ZNF672: variants seen among roughly 807,000 people sequenced by gnomAD.
The protein encoded by ZNF672 is hypothetical protein FLJ22301.
For missense variants in ZNF672, 733 were observed against 701.1 expected (o/e 1.05, Z -0.51); for synonymous variants, 358 against 305.6 (o/e 1.17, Z -1.79).
rs540665833 is a variant in ZNF672, at chr1:248,847,771, C to T, written c.497C>T (p.Ala166Val). Reference sequence around the variant, plus strand: ...CCTGCTGCCCCACCCCACCGCTGCGCGCAGTGCCCGCGAGCCTTCCGAAGC... The same window carrying T: ...CCTGCTGCCCCACCCCACCGCTGCGTGCAGTGCCCGCGAGCCTTCCGAAGC... Reference protein sequence around the residue: ...SDPAAPPHRCAQCPRAFRSGA... With the variant: ...SDPAAPPHRCVQCPRAFRSGA... Residue 166 changes from alanine to valine, a missense_variant, in exon 4 of 4, where the codon GCG becomes GTG. Physicochemically the swap from Ala to Val is moderately conservative, Grantham distance 64 (BLOSUM62 0). Transcript: ENST00000306562. 12 of 1,521,314 alleles carry T rather than the reference C, an allele frequency of 7.9e-6. No individual in the cohort carries two copies. The South Asian group carries it at 9.7e-5, about 12-fold the overall frequency. 94.2% of individuals were successfully genotyped at this position (1,521,314 alleles called of 1,614,324 possible). A position where few individuals can be genotyped will look rare whatever the true frequency, so the allele number is the denominator to read the frequency against.
chr1:248,845,374 A>G (rs182031641), intron 2 of ZNF672, among the ~76,000 whole-genome samples, 192 bp from the exon 3 acceptor site: 275 of 152,290 alleles, frequency 1.8e-3, no homozygotes, highest in African/African-American at 6.3e-3. Flanking sequence ...CCACCAAAAA[A>G]AAAAGTGGAG....
Position 248,847,088 on chromosome 1 carries a change from C to T in ZNF672, c.-187C>T. ...AGGGTGAACCTGGCCACAGCTCACC[C>T]TGGAACAGCCACAATGTCTGCCCCT... On this transcript the variant is annotated 5_prime_UTR_variant, in exon 4 of 4. Coordinates refer to ENST00000306562, the MANE Select transcript of ZNF672 (RefSeq NM_024836.3). 1.3e-6 allele frequency: 1 copy of T among 773,698 alleles called. No homozygotes were observed. Among genetic ancestry groups the T allele is most frequent in the Non-Finnish European group, 2.0e-6 (1 of 496,436 alleles). The allele number at this position is 773,698 out of a possible 1,614,324, so 47.9% of individuals were successfully genotyped here. A position where few individuals can be genotyped will look rare whatever the true frequency, so the allele number is the denominator to read the frequency against.
chr1:248,848,527 C>T lies in ZNF672; in HGVS notation c.1253C>T (p.Thr418Met), dbSNP rs772318785. Residue 418 changes from threonine (T) to methionine (M), a missense_variant, in exon 4 of 4, where the codon ACG becomes ATG. Physicochemically the swap from Thr to Met is moderately conservative, Grantham distance 81. Transcript: ENST00000306562. ...CTGTCACAGCATCAGCGGGCCCACA[C>T]GCGCGCCCGCACCGCTGCCGCCGTT... ...RSLSQHQRAH[T>M]RARTAAAVAI... 30 of 1,598,414 alleles carry T rather than the reference C, an allele frequency of 1.9e-5. 1 individual carries two copies. The South Asian group carries it at 2.4e-4, about 13-fold the overall frequency.
At chr1:248,841,509 G>A (rs1387434025) in intron 1 of ZNF672, among the ~76,000 whole-genome samples, 1 of 152,120 alleles carries the variant, frequency 6.6e-6, no homozygotes, top group African/African-American at 2.4e-5. Context: ...CCTGTTGCCT[G>A]TGTCTCAAAA....
chr1:248,847,831 T>C lies in ZNF672; in HGVS notation c.557T>C (p.Val186Ala). Residue 186 changes from valine (V) to alanine (A), a missense_variant, in exon 4 of 4, where the codon GTG (valine) becomes GCG (alanine). Coordinates refer to ENST00000306562, the MANE Select transcript of ZNF672 (RefSeq NM_024836.3). ...AGLRSHARIHVSRSPTRPRVS... is the reference protein window; with the variant it reads ...AGLRSHARIHASRSPTRPRVS... Reference sequence around the variant, plus strand: ...CTGCGGAGTCACGCGCGCATCCACGTGTCCCGGAGCCCCACGCGACCCCGT... The same window carrying C: ...CTGCGGAGTCACGCGCGCATCCACGCGTCCCGGAGCCCCACGCGACCCCGT... 6.4e-7 allele frequency: 1 copy of C among 1,567,890 alleles called. No homozygotes were observed. The highest frequency in any genetic ancestry group is 2.4e-5 in the East Asian group (1 of 42,334).
chr1:248,848,240 C>A lies in ZNF672; in HGVS notation c.966C>A (p.Asp322Glu), dbSNP rs745545294. Residue 322 changes from aspartate to glutamate, a missense_variant, in exon 4 of 4, where the codon GAC becomes GAA. By Grantham distance (45) the Asp-to-Glu change is conservative. Coordinates refer to ENST00000306562, the MANE Select transcript of ZNF672 (RefSeq NM_024836.3). ...ACPECGRRFS[D>E]RSDLTKHRRT... ...CCGAGTGCGGCCGCCGCTTCAGCGA[C>A]CGCTCGGACCTCACCAAGCACCGGC... is the stretch of plus-strand genomic sequence containing the variant. 3.7e-6 allele frequency: 6 copies of A among 1,601,632 alleles called. No individual in the cohort carries two copies. The highest frequency in any genetic ancestry group is 3.3e-4 in the Middle Eastern group (2 of 6,050).
intron 2 of ZNF672, among the ~76,000 whole-genome samples, 177 bp from the exon 3 acceptor site, chr1:248,845,389 G>T (rs992024007): frequency 6.6e-6 from 1 of 152,096 alleles, no homozygotes; most frequent in Non-Finnish European, 1.5e-5. Flanking sequence ...GTGGAGTGGG[G>T]GTGTGGATGA....
intron 1 of ZNF672, among the ~76,000 whole-genome samples, chr1:248,844,177 G>T (rs1029791519): frequency 1.3e-5 from 2 of 152,074 alleles, no homozygotes; most frequent in Non-Finnish European, 2.9e-5. Context: ...ATAGATATTG[G>T]TTTTTCCATT....
intron 1 of ZNF672, 51 bp from the exon 2 acceptor site, chr1:248,844,432 T>C (rs1158101343): frequency 6.6e-6 from 1 of 152,204 alleles, no homozygotes; most frequent in Non-Finnish European, 1.5e-5. Flanking sequence ...GGGATTAGGA[T>C]GATCTAGAAG....
At chr1:248,840,688 A>G (rs1344934624) in intron 1 of ZNF672, among the ~76,000 whole-genome samples, 1 of 148,676 alleles carries the variant, frequency 6.7e-6, no homozygotes, top group Admixed American at 6.7e-5. Flanking sequence ...GCTGTGGAGG[A>G]TATGATGACT....
intron 3 of ZNF672, among the ~76,000 whole-genome samples, chr1:248,846,762 C>T (rs898883128): frequency 2.6e-5 from 4 of 152,180 alleles, no homozygotes; most frequent in African/African-American, 7.2e-5. Flanking sequence ...ACAGGCTTGG[C>T]GTTCCTTTCC....
chr1:248,840,229 T>C (rs1430151430), intron 1 of ZNF672, among the ~76,000 whole-genome samples: 2 of 151,952 alleles, frequency 1.3e-5, no homozygotes, highest in African/African-American at 4.8e-5. Flanking sequence ...TAGCCAATAC[T>C]ACAGGCGCGT....
In ZNF672 at chr1:248,847,431, C is replaced by T. The variant is rs1385058200; in HGVS notation, c.157C>T (p.Arg53Trp). The change falls in exon 4 of 4, where the codon CGG becomes TGG. Residue 53 changes from arginine (R) to tryptophan (W), a missense_variant. Transcript: ENST00000306562. ...RCLECGERCARAADLRAHRRT... is the reference protein window; with the variant it reads ...RCLECGERCAWAADLRAHRRT... ...CCTAGAATGCGGTGAGCGCTGTGCACGGGCTGCTGACCTCCGAGCGCACAG... is the reference window on the plus strand; with the variant it reads ...CCTAGAATGCGGTGAGCGCTGTGCATGGGCTGCTGACCTCCGAGCGCACAG... The T allele has an allele frequency of 6.3e-7, 1 of 1,590,866 alleles. No individual in the cohort carries two copies. The highest frequency in any genetic ancestry group is 8.6e-7 in the Non-Finnish European group (1 of 1,168,552).
intron 1 of ZNF672, among the ~76,000 whole-genome samples, chr1:248,843,136 C>T (rs1177582448): frequency 6.6e-6 from 1 of 152,142 alleles, no homozygotes; most frequent in Non-Finnish European, 1.5e-5. Flanking sequence ...CTGACTTACT[C>T]CTGTCCCTAG....
rs1348138631 is a variant in ZNF672, at chr1:248,847,656, C to A, written c.382C>A (p.Arg128Ser). ...RRRQHLPERP[R>S]RCPLCARTFR... ...CCGCCAGCATCTGCCAGAGCGGCCC[C>A]GCCGCTGCCCGCTGTGCGCCCGCAC... Residue 128 changes from arginine to serine, a missense_variant, in exon 4 of 4, where the codon CGC becomes AGC. Transcript: ENST00000306562. The A allele has an allele frequency of 1.0e-5, 15 of 1,496,842 alleles. No individual in the cohort carries two copies. The highest frequency in any genetic ancestry group is 2.8e-5 in the African/African-American group (2 of 70,658). 92.7% of individuals were successfully genotyped at this position (1,496,842 alleles called of 1,614,324 possible).
chr1:248,839,104 G>C (rs1349211081), intron 1 of ZNF672: 1 of 152,272 alleles, frequency 6.6e-6, no homozygotes, highest in Non-Finnish European at 1.5e-5. Context: ...GCGAATAGTT[G>C]TGCTTCGCTC....
chr1:248,845,148 A>G (rs1449510771), intron 2 of ZNF672, among the ~76,000 whole-genome samples: 1 of 152,198 alleles, frequency 6.6e-6, no homozygotes, highest in African/African-American at 2.4e-5. Context: ...CTATAATCCC[A>G]GTACTCAGGA....
chr1:248,848,571 G>C lies in ZNF672; in HGVS notation c.1297G>C (p.Gly433Arg). 1 of 1,597,300 alleles carries C rather than the reference G, an allele frequency of 6.3e-7. No homozygotes were observed. The change falls in exon 4 of 4, where the codon GGC becomes CGC. Residue 433 changes from glycine (G) to arginine (R), a missense_variant. Transcript: ENST00000306562. ...CGCCGTTGCCATCCAGTCCGCAGTG[G>C]GCACTGCCCTCGTCTTTGAGGGGCC... ...AAAVAIQSAV[G>R]TALVFEGPAE...
rs1008755407 is a variant in ZNF672, at chr1:248,845,644, C to G, written c.-242C>G. 24 of 152,162 alleles carry G rather than the reference C, an allele frequency of 1.6e-4. No individual in the cohort carries two copies. Among genetic ancestry groups the G allele is most frequent in the Admixed American group, 1.5e-3 (23 of 15,272 alleles). The allele number at this position is 152,162 out of a possible 1,614,324, so 9.4% of individuals were successfully genotyped here. On this transcript the variant is annotated 5_prime_UTR_variant, in exon 3 of 4. Coordinates refer to ENST00000306562, the MANE Select transcript of ZNF672 (RefSeq NM_024836.3). ...CCAGCGTGGTGGGGCAGCAGAAGCT[C>G]CAGAGCCCAGACTTGCAGGTTTGCT...
Sources: allele counts gnomAD v4.1 joint callset (sites outside exome capture counted in the v4.1 genomes callset), GRCh38; gene constraint gnomAD v4.1.1; transcripts MANE v1.5; gene names NCBI Gene and HGNC (gene_info 2026-07-23, HGNC 2026-07-21).